TMED10: variants seen among roughly 807,000 people sequenced by gnomAD.
The protein encoded by TMED10 is transmembrane p24 trafficking protein 10.
A neutral mutation model predicts 23.1 loss-of-function variants in TMED10; 7 were observed. That is an observed-to-expected ratio of 0.30 (90% CI 0.17 to 0.57). The LOEUF (loss-of-function observed/expected upper bound fraction) is 0.57, where lower values mean the gene tolerates loss of function less well. Ranked by LOEUF, TMED10 falls within the 20% of genes least tolerant of loss-of-function variation. The probability of loss-of-function intolerance (pLI) is 0.91; values close to 1 mark genes in which losing one functional copy is unlikely to be tolerated. For synonymous variants in TMED10, 113 were observed against 106.9 expected (o/e 1.06, Z -0.35); for missense variants, 162 against 274.8 (o/e 0.59, Z 2.90).
At position 75,156,428 on chromosome 14, in the gene TMED10, T is replaced by G. The variant is rs569278114; in HGVS notation, c.226-4285A>C. Reference sequence around the variant, plus strand: ...GAGTCTACAGGACAAAACCAAAAAGTAAATGCCCACAGAGATCAAGTGAGA... The same window carrying G: ...GAGTCTACAGGACAAAACCAAAAAGGAAATGCCCACAGAGATCAAGTGAGA... On this transcript the variant is annotated intron_variant, in intron 1 of 4. Coordinates refer to ENST00000303575, the MANE Select transcript of TMED10 (RefSeq NM_006827.6). 8.6e-5 allele frequency among the ~76,000 whole-genome samples: 13 copies of G among 151,922 alleles called. No homozygotes were observed. The South Asian group carries it at 2.5e-3, about 29-fold the overall frequency.
chr14:75,132,743 T>G lies in TMED10; in HGVS notation c.*2142A>C, dbSNP rs538037051. 2 of 152,494 alleles carry G rather than the reference T, an allele frequency of 1.3e-5. No individual in the cohort carries two copies. Among genetic ancestry groups the G allele is most frequent in the South Asian group, 4.1e-4 (2 of 4,828 alleles). The allele number at this position is 152,494 out of a possible 1,614,324, so 9.4% of individuals were successfully genotyped here. A position where few individuals can be genotyped will look rare whatever the true frequency, so the allele number is the denominator to read the frequency against. ...CTCATTCCCTCTTCCACCTTTGTAC[T>G]TTATCCAGGTCAACACATCAGGGTT... On this transcript the variant is annotated 3_prime_UTR_variant, in exon 5 of 5. Coordinates refer to ENST00000303575, the MANE Select transcript of TMED10 (RefSeq NM_006827.6).
intron 2 of TMED10, chr14:75,148,039 A>G (rs558994645): frequency 2.2e-5 from 10 of 446,404 alleles, no homozygotes; most frequent in Admixed American, 1.3e-4. Flanking sequence ...ACAGAACAGA[A>G]GGGAAACCAC....
chr14:75,156,163 G>A (rs546837721), intron 1 of TMED10, among the ~76,000 whole-genome samples: 1 of 152,270 alleles, frequency 6.6e-6, no homozygotes, highest in Admixed American at 6.5e-5. Context: ...ACAGACTATA[G>A]AGAGAGAACC....
At chr14:75,161,375 G>C (rs1896083510) in intron 1 of TMED10, among the ~76,000 whole-genome samples, 1 of 152,162 alleles carries the variant, frequency 6.6e-6, no homozygotes, top group Admixed American at 6.5e-5. Context: ...GTCTTATCAA[G>C]AACCTAAATT....
At chr14:75,176,253 A>G in intron 1 of TMED10, 102 bp downstream of exon 1, 1 of 1,438,212 alleles carries the variant, frequency 7.0e-7, no homozygotes, top group East Asian at 2.3e-5. Context: ...GGAGGCCAGA[A>G]CAACTCCCAG....
intron 2 of TMED10, chr14:75,147,985 G>C (rs1182898603): frequency 8.9e-6 from 5 of 562,008 alleles, no homozygotes; most frequent in Non-Finnish European, 1.6e-5. Flanking sequence ...AAACATCTCT[G>C]AGCAGGCAAG....
chr14:75,152,210 G>A, intron 1 of TMED10, 67 bp from the exon 2 acceptor site: 1 of 1,261,688 alleles, frequency 7.9e-7, no homozygotes, highest in Non-Finnish European at 1.1e-6. Context: ...ACAGAAACTG[G>A]GAAGATAGAG....
At chr14:75,156,916 A>AAAAAGGAAAGAAAAGAAAAGAAAAG (rs1555356384) in intron 1 of TMED10, among the ~76,000 whole-genome samples, 8 of 135,472 alleles carry the variant, frequency 5.9e-5, no homozygotes, top group African/African-American at 2.3e-4. Context: ...CCGTCTCAAA[A>AAAAAGGAAAGAAAAGAAAAGAAAAG]AAAAGAAAAG....
chr14:75,135,477 C>G (rs1324092998), intron 4 of TMED10, among the ~76,000 whole-genome samples: 1 of 151,956 alleles, frequency 6.6e-6, no homozygotes, highest in Non-Finnish European at 1.5e-5. Context: ...AGTTCATTAT[C>G]CTATATATAA....
rs1244889615 is a variant in TMED10, at chr14:75,161,061, A to G, written c.226-8918T>C. On this transcript the variant is annotated intron_variant, in intron 1 of 4. Transcript: ENST00000303575. ...TCCATCTCAAGAAAAAAAGAGAAGG[A>G]AAAAAAAGTGTTAATTTTATATGCA... is the stretch of plus-strand genomic sequence containing the variant. Among the ~76,000 whole-genome samples, 5 of 152,084 alleles carry G rather than the reference A, an allele frequency of 3.3e-5. 1 individual carries two copies. The highest frequency in any genetic ancestry group is 4.1e-4 in the South Asian group (2 of 4,826).
At chr14:75,161,569 C>T (rs1594872294) in intron 1 of TMED10, among the ~76,000 whole-genome samples, 2 of 152,252 alleles carry the variant, frequency 1.3e-5, no homozygotes, top group South Asian at 2.1e-4. Context: ...CTGTAACTAA[C>T]AGACTCTTCA....
At chr14:75,174,820 A>C (rs1896281221) in intron 1 of TMED10, among the ~76,000 whole-genome samples, 1 of 152,078 alleles carries the variant, frequency 6.6e-6, no homozygotes, top group African/African-American at 2.4e-5. Context: ...AGGCGGGCAG[A>C]TCACGAGGTC....
chr14:75,154,814 C>T (rs1896002300), intron 1 of TMED10, among the ~76,000 whole-genome samples: 1 of 151,980 alleles, frequency 6.6e-6, no homozygotes, highest in African/African-American at 2.4e-5. Flanking sequence ...CAGGCACATG[C>T]CACCACACCC....
Position 75,176,594 on chromosome 14 carries a change from G to T in TMED10, c.-15C>A, listed in dbSNP as rs866580476. 6 of 1,613,500 alleles carry T rather than the reference G, an allele frequency of 3.7e-6. No individual in the cohort carries two copies. Among genetic ancestry groups the T allele is most frequent in the Middle Eastern group, 3.3e-4 (2 of 6,052 alleles). On this transcript the variant is annotated 5_prime_UTR_variant, in exon 1 of 5. Transcript: ENST00000303575. ...AAACCAGACATGGTGCTGGAGACTC[G>T]TTCACCACCGAAGGCCTCAACCGCG...
chr14:75,154,546 G>T (rs1895998888), intron 1 of TMED10, among the ~76,000 whole-genome samples: 1 of 150,034 alleles, frequency 6.7e-6, no homozygotes, highest in South Asian at 2.1e-4. Flanking sequence ...TGAAATGACA[G>T]ATTAACTAAA....
At chr14:75,174,063 C>T (rs1040703499) in intron 1 of TMED10, among the ~76,000 whole-genome samples, 1 of 151,966 alleles carries the variant, frequency 6.6e-6, no homozygotes, top group African/African-American at 2.4e-5. Context: ...CTTCAGCAGC[C>T]CTAAATTCAA....
chr14:75,134,833 G>A lies in TMED10; in HGVS notation c.*52C>T. 6.2e-7 allele frequency: 1 copy of A among 1,610,044 alleles called. No individual in the cohort carries two copies. Among genetic ancestry groups the A allele is most frequent in the Non-Finnish European group, 8.5e-7 (1 of 1,177,636 alleles). ...GATGCCTTAGGCCAGGCACGTCCCA[G>A]CGATGTTCTGCTGGCTGAGGTACAA... On this transcript the variant is annotated 3_prime_UTR_variant, in exon 5 of 5. Coordinates refer to ENST00000303575, the MANE Select transcript of TMED10 (RefSeq NM_006827.6).
chr14:75,138,370 A>G (rs1183688140), intron 3 of TMED10, among the ~76,000 whole-genome samples: 1 of 152,230 alleles, frequency 6.6e-6, no homozygotes, highest in Non-Finnish European at 1.5e-5. Flanking sequence ...AATGTTGGCT[A>G]GAGTTAACGG....
rs552086877 is a variant in TMED10 at position 75,158,925 on chromosome 14, A to AAAAT, written c.226-6786_226-6783dup. ...GGCAACAAGAGTGAAATTCCGTTTC[A>AAAAT]AAATAAATAAATAAATAAATAAATA... On this transcript the variant is annotated intron_variant, in intron 1 of 4. Transcript: ENST00000303575. Among the ~76,000 whole-genome samples the AAAAT allele has an allele frequency of 1.6e-3, 246 of 152,126 alleles. 2 individuals carry two copies. Among genetic ancestry groups the AAAAT allele is most frequent in the South Asian group, 0.016 (76 of 4,824 alleles).
Sources: gnomAD v4.1 joint callset for allele counts (sites outside exome capture counted in the v4.1 genomes callset) on GRCh38, gnomAD v4.1.1 for gene constraint, MANE v1.5 for transcripts, NCBI Gene and HGNC (gene_info 2026-07-23, HGNC 2026-07-21) for gene names.